Variants in RNF217 observed in about 807,000 individuals in gnomAD.
RNF217 encodes E3 ubiquitin-protein ligase RNF217.
Under a neutral mutation model 57.8 loss-of-function variants are expected in RNF217, and 31 were observed. That is an observed-to-expected ratio of 0.54 (90% CI 0.40 to 0.72). RNF217 has a LOEUF of 0.72. Among genes scored for constraint, RNF217 ranks in the 30% least tolerant of loss-of-function variants. The pLI, the probability that RNF217 is intolerant of heterozygous loss-of-function variation, is 0.00. For missense variants in RNF217, 696 were observed against 708.3 expected, an observed-to-expected ratio of 0.98 and a Z score of 0.20; for synonymous variants, 313 against 294.0, an observed-to-expected ratio of 1.06 and a Z score of -0.66.
intron 1 of RNF217, among the ~76,000 whole-genome samples, chr6:124,967,258 C>G (rs1051452330): frequency 6.6e-6 from 1 of 152,186 alleles, no homozygotes; most frequent in African/African-American, 2.4e-5. Flanking sequence ...CTTAACCCTC[C>G]TAAGTATTGG....
At chr6:125,043,365 ACTT>A (rs1285063484) in intron 1 of RNF217, among the ~76,000 whole-genome samples, 1 of 151,536 alleles carries the variant, frequency 6.6e-6, no homozygotes, top group Admixed American at 6.6e-5. Context: ...TTGAATCCTC[ACTT>A]CTTCCAAGAA....
In RNF217 at chr6:124,963,227, A is replaced by G. The variant is rs1216880836; in HGVS notation, c.683A>G (p.Tyr228Cys). The G allele has an allele frequency of 2.0e-6, 3 of 1,535,688 alleles. No individual in the cohort carries two copies. Among genetic ancestry groups the G allele is most frequent in the Non-Finnish European group, 2.6e-6 (3 of 1,146,794 alleles). Reference sequence around the variant, plus strand: ...GGCGGCAGCATCGAGCTGGAGTTCTACCTGGCGCCCGAGCCGTTCTCCATG... The same window carrying G: ...GGCGGCAGCATCGAGCTGGAGTTCTGCCTGGCGCCCGAGCCGTTCTCCATG... ...PDGGSIELEF[Y>C]LAPEPFSMPS... Residue 228 changes from tyrosine to cysteine, a missense_variant, in exon 1 of 6, where the codon TAC (tyrosine) becomes TGC (cysteine). Tyr to Cys is a radical substitution (Grantham distance 194, BLOSUM62 -2). This residue lies in a region of RNF217 where 465 missense variants were observed against 386.8 expected (regional missense o/e 1.20). Coordinates refer to ENST00000521654, the MANE Select transcript of RNF217 (RefSeq NM_001286398.3).
chr6:125,007,652 T>C (rs959362431), intron 1 of RNF217, among the ~76,000 whole-genome samples: 7 of 152,220 alleles, frequency 4.6e-5, no homozygotes, highest in African/African-American at 1.7e-4. Context: ...GACTAATGCT[T>C]CTAACATGTT....
At chr6:124,994,693 C>T (rs1362943752) in intron 1 of RNF217, among the ~76,000 whole-genome samples, 1 of 152,168 alleles carries the variant, frequency 6.6e-6, no homozygotes, top group African/African-American at 2.4e-5. Context: ...TCCTGAGCTG[C>T]CCAAGTGTTT....
chr6:125,054,749 G>T (rs1467718004), intron 2 of RNF217, among the ~76,000 whole-genome samples: 2 of 152,088 alleles, frequency 1.3e-5, no homozygotes, highest in African/African-American at 2.4e-5. Flanking sequence ...CAAACTTTAG[G>T]ATGCATACAA....
rs1788564195 is a variant in RNF217, at chr6:125,081,304, A to G, written c.1484-132A>G. 4.8e-6 allele frequency: 3 copies of G among 630,492 alleles called. No homozygotes were observed. In the South Asian group the frequency reaches 5.9e-5, roughly 12 times the overall value. 39.1% of individuals were successfully genotyped at this position (630,492 alleles called of 1,614,324 possible). Reference sequence around the variant, plus strand: ...TACCTAATCCTGATACATTTCTTAGATATATACAGCCTTAAGTGTAATCAG... The same window carrying G: ...TACCTAATCCTGATACATTTCTTAGGTATATACAGCCTTAAGTGTAATCAG... On this transcript the variant is annotated intron_variant, in intron 4 of 5. Coordinates refer to ENST00000521654, the MANE Select transcript of RNF217 (RefSeq NM_001286398.3).
At chr6:125,015,002 GT>G (rs1785550814) in intron 1 of RNF217, among the ~76,000 whole-genome samples, 1 of 152,068 alleles carries the variant, frequency 6.6e-6, no homozygotes. Context: ...TTAAATATGT[GT>G]TTTTATTTTC....
chr6:125,040,920 A>G (rs1786855009), intron 1 of RNF217, among the ~76,000 whole-genome samples: 1 of 152,150 alleles, frequency 6.6e-6, no homozygotes, highest in Non-Finnish European at 1.5e-5. Context: ...CTCTCAATAA[A>G]TTAGGTATTG....
intron 1 of RNF217, among the ~76,000 whole-genome samples, chr6:124,976,927 T>C (rs1783986382): frequency 1.3e-5 from 2 of 152,222 alleles, no homozygotes; most frequent in Admixed American, 1.3e-4. Context: ...AGGGAAAGCT[T>C]AGAAGGAATG....
At chr6:125,075,654 G>T (rs1300515178) in intron 3 of RNF217, among the ~76,000 whole-genome samples, 1 of 152,058 alleles carries the variant, frequency 6.6e-6, no homozygotes, top group Non-Finnish European at 1.5e-5. Context: ...ATTTAGGTGG[G>T]AATACAGAGC....
chr6:124,978,994 A>G (rs1022433969), intron 1 of RNF217, among the ~76,000 whole-genome samples: 9 of 152,136 alleles, frequency 5.9e-5, no homozygotes, highest in Non-Finnish European at 8.8e-5. Flanking sequence ...TGGTCTTTGG[A>G]AAAAGCACCA....
At chr6:125,032,961 C>A (rs1171728237) in intron 1 of RNF217, among the ~76,000 whole-genome samples, 1 of 152,094 alleles carries the variant, frequency 6.6e-6, no homozygotes, top group African/African-American at 2.4e-5. Context: ...ACTATGATAA[C>A]TCTTTCCAAA....
At chr6:125,048,578 A>G (rs1787185216) in intron 2 of RNF217, among the ~76,000 whole-genome samples, 1 of 152,076 alleles carries the variant, frequency 6.6e-6, no homozygotes, top group South Asian at 2.1e-4. Context: ...CCAAGATGTC[A>G]TTCTTTGAAC....
intron 1 of RNF217, among the ~76,000 whole-genome samples, chr6:124,997,681 C>T (rs998724047): frequency 6.6e-6 from 1 of 152,190 alleles, no homozygotes; most frequent in African/African-American, 2.4e-5. Flanking sequence ...CGATGAGATA[C>T]CTGGACACTA....
Position 125,087,993 on chromosome 6 carries a change from T to C in RNF217, c.*5056T>C, listed in dbSNP as rs1460438874. The C allele has an allele frequency of 6.7e-6, 1 of 149,938 alleles. No homozygotes were observed. The highest frequency in any genetic ancestry group is 6.7e-5 in the Admixed American group (1 of 14,984). 9.3% of individuals were successfully genotyped at this position (149,938 alleles called of 1,614,324 possible). On this transcript the variant is annotated 3_prime_UTR_variant, in exon 6 of 6. Transcript: ENST00000521654. ...TAATTATGATACTGTCCCCCTAATATGGAAAATAAGTTACAAAATTCTTTT... is the reference window on the plus strand; with the variant it reads ...TAATTATGATACTGTCCCCCTAATACGGAAAATAAGTTACAAAATTCTTTT...
At chr6:125,021,148 TATAATAGC>T (rs1183262024) in intron 1 of RNF217, among the ~76,000 whole-genome samples, 3 of 152,202 alleles carry the variant, frequency 2.0e-5, no homozygotes, top group Non-Finnish European at 4.4e-5. Context: ...CCACATTATT[TATAATAGC>T]ATTAAGTTGG....
intron 1 of RNF217, among the ~76,000 whole-genome samples, chr6:124,992,091 A>AT (rs548107256): frequency 2.0e-5 from 3 of 152,280 alleles, no homozygotes; most frequent in African/African-American, 7.2e-5. Context: ...TAAGCCTGAG[A>AT]TGGGGCCTAT....
chr6:125,039,676 A>G (rs1786796105), intron 1 of RNF217, among the ~76,000 whole-genome samples: 1 of 152,208 alleles, frequency 6.6e-6, no homozygotes, highest in South Asian at 2.1e-4. Flanking sequence ...CACTTATTCT[A>G]AAATCAACCA....
At chr6:125,048,798 T>C (rs1260861731) in intron 2 of RNF217, among the ~76,000 whole-genome samples, 2 of 152,042 alleles carry the variant, frequency 1.3e-5, no homozygotes, top group East Asian at 3.9e-4. Context: ...CTAGAACTCT[T>C]ACCTGTCCAT....
Sources: gnomAD v4.1 joint callset for allele counts (sites outside exome capture counted in the v4.1 genomes callset) on GRCh38, gnomAD v4.1.1 for gene constraint, gnomAD v4.1.1 regional missense constraint, MANE v1.5 for transcripts, NCBI Gene and HGNC (gene_info 2026-07-23, HGNC 2026-07-21) for gene names.